Variants in ADGRL3 observed in about 807,000 individuals in gnomAD.
ADGRL3 encodes the protein adhesion G protein-coupled receptor L3.
Under a neutral mutation model 153.5 loss-of-function variants are expected in ADGRL3, and 62 were observed. The observed-to-expected ratio is 0.40, with a 90% confidence interval of 0.33 to 0.50. The LOEUF (loss-of-function observed/expected upper bound fraction) is 0.50, where lower values mean the gene tolerates loss of function less well. Among genes scored for constraint, ADGRL3 ranks in the 20% least tolerant of loss-of-function variants. The pLI is 0.47. For missense variants in ADGRL3, 1,641 were observed against 1,859.4 expected (o/e 0.88, Z 2.16); for synonymous variants, 710 against 672.5 (o/e 1.06, Z -0.86).
chr4:61,608,817 A>T (rs1238314753), intron 5 of ADGRL3, among the ~76,000 whole-genome samples: 1 of 152,220 alleles, frequency 6.6e-6, no homozygotes, highest in Admixed American at 6.5e-5. Flanking sequence ...ATGACTTAGA[A>T]CTATAACGGA....
At chr4:61,742,851 A>C (rs2096599020) in intron 8 of ADGRL3, among the ~76,000 whole-genome samples, 1 of 152,198 alleles carries the variant, frequency 6.6e-6, no homozygotes, top group Non-Finnish European at 1.5e-5. Context: ...TTACTTAAAA[A>C]GAATTCTGGC....
chr4:62,007,383 T>TATATATATATATATATATATATACAC (rs71213024), intron 21 of ADGRL3, among the ~76,000 whole-genome samples: 3 of 30,764 alleles, frequency 9.8e-5, no homozygotes, highest in Non-Finnish European at 1.9e-4. Flanking sequence ...TATATATATA[T>TATATATATATATATATATATATACAC]ACACACACAC....
chr4:61,759,162 T>C (rs2096876867), intron 8 of ADGRL3, among the ~76,000 whole-genome samples: 1 of 151,774 alleles, frequency 6.6e-6, no homozygotes, highest in African/African-American at 2.4e-5. Flanking sequence ...TGTGTTGCTC[T>C]TCTCGAGGAG....
chr4:61,920,428 T>C (rs2167279), intron 13 of ADGRL3, among the ~76,000 whole-genome samples: 17 of 152,198 alleles, frequency 1.1e-4, no homozygotes, highest in Admixed American at 3.3e-4. Flanking sequence ...TCTGAGAGCG[T>C]GGATCCAAAC....
intron 1 of ADGRL3, among the ~76,000 whole-genome samples, chr4:61,335,657 A>G (rs2095659869): frequency 6.6e-6 from 1 of 152,194 alleles, no homozygotes; most frequent in African/African-American, 2.4e-5. Context: ...TTGGCTGATG[A>G]TTTGAGGAAA....
intron 7 of ADGRL3, 103 bp from the exon 8 acceptor site, chr4:61,732,651 G>A: frequency 1.9e-6 from 1 of 525,046 alleles, no homozygotes; most frequent in Non-Finnish European, 3.1e-6. Context: ...GTGATGGTGG[G>A]TATCTCTTGT....
chr4:61,794,607 A>G (rs1262701320), intron 8 of ADGRL3, among the ~76,000 whole-genome samples: 1 of 152,228 alleles, frequency 6.6e-6, no homozygotes, highest in African/African-American at 2.4e-5. Flanking sequence ...CCCATTTGAA[A>G]CAAATAAAAG....
chr4:61,358,013 A>T (rs1025715444), intron 1 of ADGRL3, among the ~76,000 whole-genome samples: 2 of 152,172 alleles, frequency 1.3e-5, no homozygotes, highest in African/African-American at 4.8e-5. Context: ...AGTAGTTACG[A>T]GGGTGAAAGT....
intron 2 of ADGRL3, among the ~76,000 whole-genome samples, chr4:61,466,623 A>G (rs993594983): frequency 2.0e-5 from 3 of 152,080 alleles, no homozygotes; most frequent in African/African-American, 7.2e-5. Context: ...GAGGTCAGAG[A>G]TTTTTCCTGT....
At chr4:61,476,827 C>T (rs2643043) in intron 2 of ADGRL3, among the ~76,000 whole-genome samples, 11 of 150,842 alleles carry the variant, frequency 7.3e-5, no homozygotes, top group African/African-American at 2.4e-4. Flanking sequence ...CCACCTGCCT[C>T]AGCCTCCCAA....
At chr4:61,833,778 G>C (rs996542562) in intron 9 of ADGRL3, among the ~76,000 whole-genome samples, 2 of 152,048 alleles carry the variant, frequency 1.3e-5, no homozygotes, top group African/African-American at 4.8e-5. Flanking sequence ...GCAAGAAGGG[G>C]GTTTGTCTTG....
intron 8 of ADGRL3, among the ~76,000 whole-genome samples, chr4:61,801,612 AAAAG>A (rs1352487384): frequency 1.3e-5 from 2 of 152,086 alleles, no homozygotes; most frequent in Non-Finnish European, 2.9e-5. Context: ...ATGAAATACA[AAAAG>A]AAAAAAAATG....
chr4:61,559,226 C>G (rs2098783695), intron 4 of ADGRL3, among the ~76,000 whole-genome samples: 1 of 152,020 alleles, frequency 6.6e-6, no homozygotes, highest in Non-Finnish European at 1.5e-5. Flanking sequence ...CGACCACCAC[C>G]CAAACCATTG....
intron 17 of ADGRL3, among the ~76,000 whole-genome samples, chr4:61,954,143 T>G (rs1176038335): frequency 6.6e-6 from 1 of 152,176 alleles, no homozygotes; most frequent in Admixed American, 6.6e-5. Flanking sequence ...TATATACTTA[T>G]GATATTCTCT....
intron 21 of ADGRL3, among the ~76,000 whole-genome samples, chr4:62,001,236 C>A (rs1310296668): frequency 1.3e-5 from 2 of 152,116 alleles, no homozygotes; most frequent in Non-Finnish European, 2.9e-5. Flanking sequence ...AGTGGTAGAG[C>A]AATTCCACTA....
At chr4:61,395,254 T>C (rs2096855956) in intron 2 of ADGRL3, among the ~76,000 whole-genome samples, 1 of 151,978 alleles carries the variant, frequency 6.6e-6, no homozygotes, top group South Asian at 2.1e-4. Flanking sequence ...TACACCAGTA[T>C]CAGTCAGTAT....
rs79224445 is a variant in ADGRL3, at chr4:61,350,846, C to G, written c.-239-32278C>G. On this transcript the variant is annotated intron_variant, in intron 1 of 26. Coordinates refer to ENST00000683033, the MANE Select transcript of ADGRL3 (RefSeq NM_001387552.1). The stretch of plus-strand genomic sequence containing the variant: ...GTCATCTGTCTCCCTTCTTTTCCCC[C>G]CTCTGTGCCCTGAAACACAACAATT... Among the ~76,000 whole-genome samples the G allele has an allele frequency of 4.4e-3, 665 of 152,178 alleles. 4 individuals are homozygous for G. Among genetic ancestry groups the G allele is most frequent in the African/African-American group, 0.015 (617 of 41,512 alleles).
chr4:61,455,496 G>T (rs1402696163), intron 2 of ADGRL3, among the ~76,000 whole-genome samples: 1 of 152,040 alleles, frequency 6.6e-6, no homozygotes, highest in Non-Finnish European at 1.5e-5. Context: ...AGCCATCTAG[G>T]CCCTGAGATT....
intron 6 of ADGRL3, among the ~76,000 whole-genome samples, chr4:61,712,071 G>A (rs181913355): frequency 2.2e-4 from 34 of 152,098 alleles, no homozygotes; most frequent in Admixed American, 1.5e-3. Flanking sequence ...AGTTACATTC[G>A]CAAAGAACAG....
Sources: gnomAD v4.1 joint callset for allele counts (sites outside exome capture counted in the v4.1 genomes callset) on GRCh38, gnomAD v4.1.1 for gene constraint, MANE v1.5 for transcripts, NCBI Gene and HGNC (gene_info 2026-07-23, HGNC 2026-07-21) for gene names.